The following CPLANE1 variants were observed in gnomAD, a reference collection of about 807,000 sequenced individuals.
CPLANE1 encodes the protein ciliogenesis and planar polarity effector 1.
A neutral mutation model predicts 362.5 loss-of-function variants in CPLANE1; 263 were observed. The ratio of observed to expected loss-of-function variants is 0.73; its 90% CI spans 0.66 to 0.80. CPLANE1 has a LOEUF of 0.80. Among genes scored for constraint, CPLANE1 ranks in the 30% least tolerant of loss-of-function variants. CPLANE1 has a pLI of 0.00. For missense variants in CPLANE1, 3,461 were observed against 3,793.4 expected, an observed-to-expected ratio of 0.91 and a Z score of 2.30; for synonymous variants, 1,212 against 1,302.6, an observed-to-expected ratio of 0.93 and a Z score of 1.50.
intron 46 of CPLANE1, among the ~76,000 whole-genome samples, chr5:37,137,514 C>G (rs888247695): frequency 2.0e-5 from 3 of 152,164 alleles, no homozygotes; most frequent in Non-Finnish European, 4.4e-5. Flanking sequence ...CTCTCTGCAG[C>G]ACCAATTTAC....
In CPLANE1 at chr5:37,181,963, G is replaced by A. The variant is rs1007521568; in HGVS notation, c.5421+797C>T. On this transcript the variant is annotated intron_variant, in intron 26 of 52. Coordinates refer to ENST00000651892, the MANE Select transcript of CPLANE1 (RefSeq NM_001384732.1). ...AAAAATTAGTCAGGCGTGGTGGCGC[G>A]TGCCTGTAGTCCCAGCTACTCACAA... 2.3e-4 allele frequency among the ~76,000 whole-genome samples: 35 copies of A among 152,074 alleles called. 1 individual carries two copies. The highest frequency in any genetic ancestry group is 7.5e-4 in the African/African-American group (31 of 41,476).
At chr5:37,158,131 C>A in intron 39 of CPLANE1, 93 bp downstream of exon 39, 2 of 1,362,528 alleles carry the variant, frequency 1.5e-6, no homozygotes, top group Non-Finnish European at 1.0e-6. Context: ...AGATTTTTAA[C>A]CTCATTTCAT....
At chr5:37,091,159 C>T in the CPLANE1 span, among the ~76,000 whole-genome samples, 5 of 152,148 alleles carry the variant, frequency 3.3e-5, no homozygotes, top group African/African-American at 1.2e-4. Flanking sequence ...CAGGTGTTAA[C>T]CCTAGAGGAT....
the CPLANE1 span, among the ~76,000 whole-genome samples, chr5:37,095,466 C>A: frequency 6.6e-6 from 1 of 152,208 alleles, no homozygotes; most frequent in Admixed American, 6.5e-5. Flanking sequence ...GACAAACCCA[C>A]AGCCAACATA....
At chr5:37,195,700 C>T (rs1249051903) in intron 21 of CPLANE1, among the ~76,000 whole-genome samples, 158 bp downstream of exon 21, 1 of 151,562 alleles carries the variant, frequency 6.6e-6, no homozygotes, top group Admixed American at 6.6e-5. Flanking sequence ...TCATATATAT[C>T]ATATATATAT....
chr5:37,101,303 GTTT>G (rs1757276527), downstream of CPLANE1, among the ~76,000 whole-genome samples: 1 of 152,162 alleles, frequency 6.6e-6, no homozygotes, highest in Non-Finnish European at 1.5e-5. Flanking sequence ...TTTATTGAGA[GTTT>G]TTAACATAAA....
intron 44 of CPLANE1, 101 bp from the exon 45 acceptor site, chr5:37,139,471 C>T (rs1435797746): frequency 1.9e-6 from 2 of 1,060,510 alleles, no homozygotes; most frequent in Non-Finnish European, 2.5e-6. Context: ...AATTAAAATA[C>T]TTTTAAACTT....
chr5:37,175,698 A>G (rs549669488), intron 31 of CPLANE1, among the ~76,000 whole-genome samples: 24 of 152,248 alleles, frequency 1.6e-4, no homozygotes, highest in Non-Finnish European at 3.1e-4. Flanking sequence ...GTGTAACTTT[A>G]AAATACAATC....
At chr5:37,171,474 A>G (rs976441459) in intron 32 of CPLANE1, among the ~76,000 whole-genome samples, 5 of 152,184 alleles carry the variant, frequency 3.3e-5, no homozygotes, top group Admixed American at 3.3e-4. Context: ...ATACTTTGAG[A>G]ACCACTAGAC....
At position 37,107,369 on chromosome 5, in the gene CPLANE1, T is replaced by A; in HGVS notation, c.*233A>T. On this transcript the variant is annotated 3_prime_UTR_variant, in exon 53 of 53. Coordinates refer to ENST00000651892, the MANE Select transcript of CPLANE1 (RefSeq NM_001384732.1). Reference sequence around the variant, plus strand: ...TTTAAAAATTATGCCTAATGATGCATCAAATACAAAAACATATAATACATC... The same window carrying A: ...TTTAAAAATTATGCCTAATGATGCAACAAATACAAAAACATATAATACATC... 14 of 1,229,014 alleles carry A rather than the reference T, an allele frequency of 1.1e-5. No individual in the cohort carries two copies. The highest frequency in any genetic ancestry group is 1.4e-5 in the Non-Finnish European group (14 of 984,138). The allele number at this position is 1,229,014 out of a possible 1,614,324, so 76.1% of individuals were successfully genotyped here.
At chr5:37,132,348 T>G (rs1325053998) in intron 46 of CPLANE1, among the ~76,000 whole-genome samples, 52 of 138,574 alleles carry the variant, frequency 3.8e-4, no homozygotes, top group African/African-American at 6.5e-4. Flanking sequence ...TTTTTTTTTT[T>G]TTTTTTTTTT....
At chr5:37,077,399 C>A in the CPLANE1 span, among the ~76,000 whole-genome samples, 16 of 152,186 alleles carry the variant, frequency 1.1e-4, no homozygotes, top group African/African-American at 3.1e-4. Flanking sequence ...CACCCTGTTA[C>A]GTCTGTTGCT....
chr5:37,198,640 A>G lies in CPLANE1; in HGVS notation c.3672+62T>C. On this transcript the variant is annotated intron_variant, in intron 20 of 52. Transcript: ENST00000651892. ...GGAAAATATAACAATTATAAAAACA[A>G]TAATATAAATATGAGTAATTTCAGT... 7 of 1,448,956 alleles carry G rather than the reference A, an allele frequency of 4.8e-6. No homozygotes were observed. The South Asian group carries it at 9.1e-5, about 19-fold the overall frequency. 89.8% of individuals were successfully genotyped at this position (1,448,956 alleles called of 1,614,324 possible). A position where few individuals can be genotyped will look rare whatever the true frequency, so the allele number is the denominator to read the frequency against.
intron 19 of CPLANE1, among the ~76,000 whole-genome samples, chr5:37,200,925 GC>G (rs1186270261): frequency 6.6e-6 from 1 of 152,148 alleles, no homozygotes; most frequent in African/African-American, 2.4e-5. Flanking sequence ...CCGGGCTCAA[GC>G]CATCTACCCA....
intron 16 of CPLANE1, chr5:37,212,351 T>G (rs1695943469): frequency 2.4e-6 from 2 of 849,788 alleles, no homozygotes; most frequent in Admixed American, 3.4e-5. Context: ...TAACACGCTT[T>G]TCTCATGAAG....
the CPLANE1 span, among the ~76,000 whole-genome samples, chr5:37,096,539 A>C: frequency 6.6e-6 from 1 of 152,218 alleles, no homozygotes; most frequent in Non-Finnish European, 1.5e-5. Context: ...ATACAATAAA[A>C]ACAAAGATAA....
chr5:37,098,572 C>T, the CPLANE1 span, among the ~76,000 whole-genome samples: 1 of 151,952 alleles, frequency 6.6e-6, no homozygotes, highest in Non-Finnish European at 1.5e-5. Flanking sequence ...TTCTTCTCAT[C>T]AGCACACAGA....
At position 37,177,670 on chromosome 5, in the gene CPLANE1, C is replaced by G; in HGVS notation, c.5851G>C (p.Glu1951Gln). Residue 1951 changes from glutamate to glutamine, a missense_variant, in exon 30 of 53, where the codon GAA becomes CAA. Glu to Gln is a conservative substitution (Grantham distance 29). Coordinates refer to ENST00000651892, the MANE Select transcript of CPLANE1 (RefSeq NM_001384732.1). ...TCCATAATTGTCTCCAGTGGTTCTT[C>G]CCTTTGACACTGAACCTCTTCTGTG... ...EFTEEVQCQR[E>Q]EPLETIMEEK... is the part of the protein sequence containing the mutation. 1 of 1,613,870 alleles carries G rather than the reference C, an allele frequency of 6.2e-7. No homozygotes were observed. The highest frequency in any genetic ancestry group is 8.5e-7 in the Non-Finnish European group (1 of 1,179,858).
At chr5:37,240,553 AC>A (rs1800152950) in intron 6 of CPLANE1, among the ~76,000 whole-genome samples, 1 of 152,116 alleles carries the variant, frequency 6.6e-6, no homozygotes, top group South Asian at 2.1e-4. Context: ...CTTTTAAACA[AC>A]CAGATCTCCC....
Sources: allele counts gnomAD v4.1 joint callset (sites outside exome capture counted in the v4.1 genomes callset), GRCh38; gene constraint gnomAD v4.1.1; transcripts MANE v1.5; gene names NCBI Gene and HGNC (gene_info 2026-07-23, HGNC 2026-07-21).